Variants in CDH18 observed in about 807,000 individuals in gnomAD.
CDH18 encodes the protein cadherin-18.
CDH18 carries 31 observed loss-of-function variants against 67.9 expected under a neutral mutation model. That is an observed-to-expected ratio of 0.46 (90% CI 0.34 to 0.62). CDH18 has a LOEUF of 0.62. Among genes scored for constraint, CDH18 ranks in the 20% least tolerant of loss-of-function variants. CDH18 has a pLI of 0.01. For synonymous variants in CDH18, 362 were observed against 347.2 expected, an observed-to-expected ratio of 1.04 and a Z score of -0.48; for missense variants, 890 against 975.5, an observed-to-expected ratio of 0.91 and a Z score of 1.17.
At chr5:20,551,545 C>T (rs1757632790) in intron 1 of CDH18, among the ~76,000 whole-genome samples, 1 of 148,524 alleles carries the variant, frequency 6.7e-6, no homozygotes, top group Non-Finnish European at 1.5e-5. Flanking sequence ...GGTACACCTA[C>T]AGCTGATCTC....
At chr5:20,455,769 A>G (rs541154961) in intron 1 of CDH18, among the ~76,000 whole-genome samples, 1 of 152,196 alleles carries the variant, frequency 6.6e-6, no homozygotes, top group East Asian at 1.9e-4. Context: ...ACATAGAGCA[A>G]TAGTTTCTTT....
intron 2 of CDH18, among the ~76,000 whole-genome samples, chr5:20,207,776 G>T (rs958847830): frequency 6.6e-6 from 1 of 151,960 alleles, no homozygotes; most frequent in Non-Finnish European, 1.5e-5. Context: ...GCAATTTACA[G>T]ATTTAATGCA....
At chr5:20,192,421 G>A (rs1295927542) in intron 2 of CDH18, among the ~76,000 whole-genome samples, 1 of 151,968 alleles carries the variant, frequency 6.6e-6, no homozygotes, top group African/African-American at 2.4e-5. Flanking sequence ...TGAAGTCTTT[G>A]CCAAATGCTT....
chr5:19,897,521 C>T (rs1199919663), intron 2 of CDH18, among the ~76,000 whole-genome samples: 1 of 152,034 alleles, frequency 6.6e-6, no homozygotes, highest in Non-Finnish European at 1.5e-5. Flanking sequence ...TCAGCAATAT[C>T]TACTAAAACT....
chr5:19,598,049 C>T (rs1485998882), intron 6 of CDH18, among the ~76,000 whole-genome samples: 1 of 152,094 alleles, frequency 6.6e-6, no homozygotes, highest in Non-Finnish European at 1.5e-5. Flanking sequence ...TTTTACTTTA[C>T]ATATCTCCTT....
At chr5:19,877,122 C>T (rs975891497) in intron 2 of CDH18, among the ~76,000 whole-genome samples, 3 of 152,024 alleles carry the variant, frequency 2.0e-5, no homozygotes, top group African/African-American at 7.2e-5. Context: ...GCCACGGAGA[C>T]TTGGAGATTT....
intron 1 of CDH18, among the ~76,000 whole-genome samples, chr5:20,511,449 T>C (rs1183622177): frequency 6.6e-6 from 1 of 152,192 alleles, no homozygotes; most frequent in Non-Finnish European, 1.5e-5. Context: ...GCCAGCCATT[T>C]TTTATAATAC....
In CDH18 at chr5:19,828,816, C is replaced by T. The variant is rs140549601; in HGVS notation, c.228+9943G>A. Reference sequence around the variant, plus strand: ...CTTTGGGAGGCCAAGGCGGGAGGATCACTTAAGGTCAGGAGTTCGAGACCA... The same window carrying T: ...CTTTGGGAGGCCAAGGCGGGAGGATTACTTAAGGTCAGGAGTTCGAGACCA... On this transcript the variant is annotated intron_variant, in intron 3 of 12. Coordinates refer to ENST00000382275, the MANE Select transcript of CDH18 (RefSeq NM_004934.5). Among the ~76,000 whole-genome samples, 161 of 152,214 alleles carry T rather than the reference C, an allele frequency of 1.1e-3. 4 individuals carry two copies. The East Asian group carries it at 0.021, about 20-fold the overall frequency.
intron 2 of CDH18, among the ~76,000 whole-genome samples, chr5:19,979,220 G>T (rs13153274): frequency 0.42 from 61,978 of 147,886 alleles, 14,737 homozygotes; most frequent in Middle Eastern, 0.62. Context: ...GATGGAGTGT[G>T]TGTGTGTGTG....
chr5:19,571,880 T>C (rs1741480088), intron 7 of CDH18, 48 bp from the exon 8 acceptor site: 4 of 1,432,880 alleles, frequency 2.8e-6, no homozygotes, highest in Non-Finnish European at 3.9e-6. Context: ...AAAAGTCATA[T>C]TATGACTTTC....
intron 1 of CDH18, among the ~76,000 whole-genome samples, chr5:20,564,153 C>T (rs545248030): frequency 7.2e-5 from 11 of 152,118 alleles, no homozygotes; most frequent in Admixed American, 7.2e-4. Flanking sequence ...TTCCTGCTTC[C>T]TCATAACGAC....
chr5:19,796,781 GA>G (rs1776903227), intron 3 of CDH18, among the ~76,000 whole-genome samples: 1 of 152,004 alleles, frequency 6.6e-6, no homozygotes, highest in South Asian at 2.1e-4. Context: ...AACCAAAATG[GA>G]AGTGAAGCTT....
intron 1 of CDH18, among the ~76,000 whole-genome samples, chr5:20,373,197 C>T (rs1166550817): frequency 6.6e-6 from 1 of 152,146 alleles, no homozygotes; most frequent in Admixed American, 6.5e-5. Flanking sequence ...CTTCCCATTG[C>T]TCTAAAAATA....
At chr5:20,555,438 T>C (rs1279193888) in intron 1 of CDH18, among the ~76,000 whole-genome samples, 28 of 48,594 alleles carry the variant, frequency 5.8e-4, no homozygotes, top group African/African-American at 1.4e-3. Context: ...TTTTTTTTTT[T>C]TTTTTTTTTT....
At chr5:20,000,704 C>G (rs1736375922) in intron 2 of CDH18, among the ~76,000 whole-genome samples, 1 of 151,832 alleles carries the variant, frequency 6.6e-6, no homozygotes, top group South Asian at 2.1e-4. Context: ...ATATGCTGTA[C>G]AGCCCCTAAT....
chr5:20,243,241 C>T (rs1743125616), intron 2 of CDH18, among the ~76,000 whole-genome samples: 1 of 152,130 alleles, frequency 6.6e-6, no homozygotes, highest in South Asian at 2.1e-4. Flanking sequence ...GGACATCTCA[C>T]TTTTGTTCAC....
intron 5 of CDH18, among the ~76,000 whole-genome samples, chr5:19,676,913 G>A (rs1182166860): frequency 3.9e-5 from 6 of 151,962 alleles, no homozygotes; most frequent in Non-Finnish European, 7.4e-5. Flanking sequence ...TTTCTTTCTT[G>A]TTCTAAAGCC....
intron 2 of CDH18, among the ~76,000 whole-genome samples, chr5:20,254,705 T>C (rs1464335282): frequency 6.6e-6 from 1 of 152,186 alleles, no homozygotes; most frequent in East Asian, 1.9e-4. Context: ...GCAAGAAGTT[T>C]GGAGAGTTCT....
At chr5:20,255,481 T>G (rs1329506085) in exon 2 of CDH18, 1 of 152,138 alleles carries the variant, frequency 6.6e-6, no homozygotes, top group Non-Finnish European at 1.5e-5. Context: ...TGTGTGTTCT[T>G]CTTACATATT....
Sources: gnomAD v4.1 joint callset for allele counts (sites outside exome capture counted in the v4.1 genomes callset) on GRCh38, gnomAD v4.1.1 for gene constraint, MANE v1.5 for transcripts, NCBI Gene and HGNC (gene_info 2026-07-23, HGNC 2026-07-21) for gene names.